Variants in NKAIN3 observed in about 807,000 individuals in gnomAD.
NKAIN3 encodes sodium/potassium transporting ATPase interacting 3, also known as sodium/potassium-transporting ATPase subunit beta-1-interacting protein 3.
NKAIN3 carries 25 observed loss-of-function variants against 30.2 expected under a neutral mutation model. The observed-to-expected ratio is 0.83, with a 90% CI of 0.60 to 1.16. The LOEUF (loss-of-function observed/expected upper bound fraction) is 1.16. NKAIN3 is among the 50% of genes most tolerant of loss of function. The probability of loss-of-function intolerance (pLI) is 0.00; values close to 1 mark genes in which losing one functional copy is unlikely to be tolerated. For synonymous variants in NKAIN3, 91 were observed against 89.6 expected (o/e 1.02, Z -0.09); for missense variants, 225 against 254.1 (o/e 0.89, Z 0.78).
intron 1 of NKAIN3, among the ~76,000 whole-genome samples, chr8:62,378,499 G>A (rs780204357): frequency 2.6e-5 from 4 of 152,208 alleles, no homozygotes; most frequent in Non-Finnish European, 4.4e-5. Context: ...AGGCCTGGAG[G>A]CCTAGGAGGG....
intron 3 of NKAIN3, among the ~76,000 whole-genome samples, chr8:62,599,879 T>A (rs1033569871): frequency 2.0e-5 from 3 of 152,062 alleles, no homozygotes; most frequent in South Asian, 2.1e-4. Context: ...TGCCACACTT[T>A]AAGATCATCA....
At chr8:62,880,194 G>C (rs1364138324) in intron 4 of NKAIN3, among the ~76,000 whole-genome samples, 1 of 152,162 alleles carries the variant, frequency 6.6e-6, no homozygotes, top group African/African-American at 2.4e-5. Flanking sequence ...AAGAGGCAGA[G>C]AGAGGGAAAA....
rs557887384 is a variant in NKAIN3 at position 62,953,590 on chromosome 8, G to A, written c.533-312G>A. On this transcript the variant is annotated intron_variant, in intron 5 of 6. Transcript: ENST00000623646. Reference sequence around the variant, plus strand: ...ATATCTTTTGATATATAGGGAGAAAGGGCATGTCTGTATGCCTAAGGACAA... The same window carrying A: ...ATATCTTTTGATATATAGGGAGAAAAGGCATGTCTGTATGCCTAAGGACAA... 1.7e-4 allele frequency among the ~76,000 whole-genome samples: 26 copies of A among 152,248 alleles called. 1 individual carries two copies. Among genetic ancestry groups the A allele is most frequent in the South Asian group, 1.7e-3 (8 of 4,818 alleles).
chr8:62,531,907 G>A (rs1808502657), intron 1 of NKAIN3, among the ~76,000 whole-genome samples: 1 of 152,194 alleles, frequency 6.6e-6, no homozygotes, highest in Admixed American at 6.5e-5. Flanking sequence ...TCATGCCCAT[G>A]TGCCCAGCTT....
At chr8:62,438,720 C>A (rs528236462) in intron 1 of NKAIN3, among the ~76,000 whole-genome samples, 1 of 152,134 alleles carries the variant, frequency 6.6e-6, no homozygotes, top group Non-Finnish European at 1.5e-5. Context: ...TGCCACCATG[C>A]CCAGCCAATT....
chr8:62,955,168 T>C (rs1335721064), intron 6 of NKAIN3, among the ~76,000 whole-genome samples: 1 of 152,168 alleles, frequency 6.6e-6, no homozygotes, highest in Non-Finnish European at 1.5e-5. Flanking sequence ...GGCAGAATGA[T>C]CTAAAGTAAA....
At chr8:62,577,781 T>G (rs1810163206) in intron 1 of NKAIN3, among the ~76,000 whole-genome samples, 1 of 151,896 alleles carries the variant, frequency 6.6e-6, no homozygotes, top group African/African-American at 2.4e-5. Context: ...ATTTATGGAT[T>G]CAAGAGATGA....
At chr8:62,272,121 G>A (rs969266021) in intron 1 of NKAIN3, among the ~76,000 whole-genome samples, 2 of 152,148 alleles carry the variant, frequency 1.3e-5, no homozygotes, top group African/African-American at 2.4e-5. Flanking sequence ...AATAAATGAG[G>A]GAATAAGTGG....
intron 4 of NKAIN3, among the ~76,000 whole-genome samples, chr8:62,818,800 A>G (rs1018315361): frequency 6.6e-6 from 1 of 152,080 alleles, no homozygotes; most frequent in African/African-American, 2.4e-5. Flanking sequence ...ATCCCAGAGT[A>G]TATACAGGCT....
intron 4 of NKAIN3, among the ~76,000 whole-genome samples, chr8:62,819,154 T>TATAC (rs1554581357): frequency 9.2e-5 from 3 of 32,720 alleles, no homozygotes; most frequent in African/African-American, 2.3e-4. Context: ...TATATATACA[T>TATAC]ATATATATAT....
At chr8:62,910,037 A>G (rs1035581705) in intron 4 of NKAIN3, among the ~76,000 whole-genome samples, 3 of 152,146 alleles carry the variant, frequency 2.0e-5, no homozygotes, top group Non-Finnish European at 2.9e-5. Context: ...TCCTACATTT[A>G]TCAGTAAGAA....
At chr8:62,681,133 T>A (rs1323179294) in intron 3 of NKAIN3, among the ~76,000 whole-genome samples, 1 of 152,226 alleles carries the variant, frequency 6.6e-6, no homozygotes, top group East Asian at 1.9e-4. Context: ...CCATTCAAGA[T>A]ACTCAGTGCC....
chr8:62,806,022 C>T (rs372422863), intron 4 of NKAIN3, among the ~76,000 whole-genome samples: 45 of 152,276 alleles, frequency 3.0e-4, no homozygotes, highest in Admixed American at 3.9e-4. Context: ...AAAAAGAAGT[C>T]GTTTATGCAG....
chr8:62,605,752 A>G (rs1195947586), intron 3 of NKAIN3, among the ~76,000 whole-genome samples: 1 of 152,096 alleles, frequency 6.6e-6, no homozygotes, highest in Non-Finnish European at 1.5e-5. Flanking sequence ...TCATGTGCAA[A>G]TACTATATTA....
intron 1 of NKAIN3, among the ~76,000 whole-genome samples, chr8:62,288,740 C>T (rs1263577490): frequency 2.0e-5 from 3 of 152,140 alleles, no homozygotes; most frequent in Non-Finnish European, 4.4e-5. Flanking sequence ...GATTTATAAT[C>T]CTTTGGGTAT....
At chr8:62,810,324 A>G (rs1193595323) in intron 4 of NKAIN3, among the ~76,000 whole-genome samples, 2 of 152,146 alleles carry the variant, frequency 1.3e-5, no homozygotes, top group African/African-American at 4.8e-5. Flanking sequence ...GCATGCCAGC[A>G]AGTCTAAGGG....
At chr8:62,645,330 CA>C (rs1273172250) in intron 3 of NKAIN3, among the ~76,000 whole-genome samples, 3 of 152,058 alleles carry the variant, frequency 2.0e-5, no homozygotes, top group African/African-American at 7.2e-5. Context: ...TATATTTTTG[CA>C]GTTTGTAAGT....
At chr8:62,835,590 T>C (rs551012990) in intron 4 of NKAIN3, among the ~76,000 whole-genome samples, 54 of 151,968 alleles carry the variant, frequency 3.6e-4, no homozygotes, top group African/African-American at 1.2e-3. Context: ...ATATGAAAAA[T>C]TGCTCAATAT....
intron 1 of NKAIN3, among the ~76,000 whole-genome samples, chr8:62,374,996 C>A (rs1477416995): frequency 6.6e-6 from 1 of 152,196 alleles, no homozygotes; most frequent in Admixed American, 6.5e-5. Flanking sequence ...ATTTCATTTT[C>A]AGGACTTCTT....
Sources: allele counts gnomAD v4.1 joint callset (sites outside exome capture counted in the v4.1 genomes callset), GRCh38; gene constraint gnomAD v4.1.1; transcripts MANE v1.5; gene names NCBI Gene and HGNC (gene_info 2026-07-23, HGNC 2026-07-21).